PRELID2: variants seen among roughly 807,000 people sequenced by gnomAD.
PRELID2 encodes PRELI domain-containing protein 2.
A neutral mutation model predicts 28.4 loss-of-function variants in PRELID2; 25 were observed. The ratio of observed to expected loss-of-function variants is 0.88; its 90% CI spans 0.64 to 1.23. The LOEUF is 1.23. PRELID2 is among the 50% of genes most tolerant of loss of function. The probability of loss-of-function intolerance (pLI) is 0.00; values close to 1 mark genes in which losing one functional copy is unlikely to be tolerated. For missense variants in PRELID2, 201 were observed against 214.4 expected, an observed-to-expected ratio of 0.94 and a Z score of 0.39; for synonymous variants, 76 against 71.6, an observed-to-expected ratio of 1.06 and a Z score of -0.31.
chr5:145,272,374 A>G, the PRELID2 span, among the ~76,000 whole-genome samples: 1 of 152,194 alleles, frequency 6.6e-6, no homozygotes, highest in South Asian at 2.1e-4. Context: ...GTAATGCATC[A>G]GGCTACAAAA....
At chr5:145,583,855 C>T (rs967750604) in intron 1 of PRELID2, among the ~76,000 whole-genome samples, 1 of 152,068 alleles carries the variant, frequency 6.6e-6, no homozygotes, top group Non-Finnish European at 1.5e-5. Context: ...GTGAAAATGG[C>T]CATACTGCTC....
chr5:145,351,366 A>C, the PRELID2 span, among the ~76,000 whole-genome samples: 3 of 152,180 alleles, frequency 2.0e-5, no homozygotes, highest in Non-Finnish European at 4.4e-5. Flanking sequence ...ATCCTTCTTC[A>C]CATGGTGGCA....
At chr5:145,305,283 C>A in the PRELID2 span, among the ~76,000 whole-genome samples, 1 of 152,064 alleles carries the variant, frequency 6.6e-6, no homozygotes, top group Non-Finnish European at 1.5e-5. Context: ...AAAATCAAAC[C>A]AGTTTTCAAT....
chr5:145,231,322 T>A, the PRELID2 span, among the ~76,000 whole-genome samples: 1 of 152,122 alleles, frequency 6.6e-6, no homozygotes, highest in Admixed American at 6.6e-5. Flanking sequence ...TCTTTAGTGG[T>A]GGTTTGTGAG....
At chr5:145,829,309 A>G (rs1755429665) in intron 1 of PRELID2, among the ~76,000 whole-genome samples, 1 of 152,120 alleles carries the variant, frequency 6.6e-6, no homozygotes, top group Non-Finnish European at 1.5e-5. Flanking sequence ...TCCTAATTCA[A>G]ATGTGTACCT....
the PRELID2 span, among the ~76,000 whole-genome samples, chr5:145,391,923 G>A: frequency 2.6e-5 from 4 of 152,072 alleles, no homozygotes; most frequent in Non-Finnish European, 5.9e-5. Flanking sequence ...ATCTCCATCT[G>A]AGCCCACCTC....
intron 1 of PRELID2, among the ~76,000 whole-genome samples, chr5:145,510,433 C>T (rs140002912): frequency 1.2e-3 from 181 of 152,294 alleles, no homozygotes; most frequent in African/African-American, 4.0e-3. Context: ...AGGGCTCTTC[C>T]TAGCGGCCTG....
intron 1 of PRELID2, among the ~76,000 whole-genome samples, chr5:145,527,080 T>G (rs1410138961): frequency 6.6e-6 from 1 of 152,172 alleles, no homozygotes; most frequent in Non-Finnish European, 1.5e-5. Context: ...GAATAACATA[T>G]AAGTTGTTTG....
At chr5:145,557,785 T>C (rs1042304106) in intron 1 of PRELID2, among the ~76,000 whole-genome samples, 4 of 152,162 alleles carry the variant, frequency 2.6e-5, no homozygotes, top group African/African-American at 9.7e-5. Context: ...CTGCCCAAGG[T>C]CAACACTTAG....
At chr5:145,657,317 AAAAT>A (rs1425671741) in intron 1 of PRELID2, among the ~76,000 whole-genome samples, 2 of 152,202 alleles carry the variant, frequency 1.3e-5, no homozygotes, top group African/African-American at 4.8e-5. Context: ...AGTTTTCAAA[AAAAT>A]AAATAAATAG....
intron 1 of PRELID2, among the ~76,000 whole-genome samples, chr5:145,513,133 C>T (rs149427042): frequency 0.011 from 1,641 of 151,738 alleles, 33 homozygotes; most frequent in African/African-American, 0.038. Context: ...GGACGGAGAA[C>T]GAATTTGACG....
At chr5:145,521,319 C>T (rs1272376455) in intron 1 of PRELID2, among the ~76,000 whole-genome samples, 1 of 152,146 alleles carries the variant, frequency 6.6e-6, no homozygotes, top group African/African-American at 2.4e-5. Context: ...AGAGTCTTAG[C>T]TATTGCCTGT....
chr5:145,825,355 A>G (rs985320624), intron 1 of PRELID2, among the ~76,000 whole-genome samples: 9 of 151,946 alleles, frequency 5.9e-5, no homozygotes, highest in African/African-American at 2.2e-4. Flanking sequence ...CTCCTCAGGA[A>G]AGGAGACTTT....
intron 1 of PRELID2, among the ~76,000 whole-genome samples, chr5:145,643,197 AGT>A (rs1442385585): frequency 6.6e-6 from 1 of 152,152 alleles, no homozygotes; most frequent in Non-Finnish European, 1.5e-5. Context: ...TTCCTTGAGC[AGT>A]AGTTTGTAGT....
the PRELID2 span, among the ~76,000 whole-genome samples, chr5:145,238,799 C>T: frequency 6.6e-6 from 1 of 152,048 alleles, no homozygotes; most frequent in Non-Finnish European, 1.5e-5. Context: ...ACTTAGGACA[C>T]TTCATATGCA....
the PRELID2 span, among the ~76,000 whole-genome samples, chr5:145,301,949 T>TTTTTTG: frequency 3.7e-5 from 5 of 136,856 alleles, no homozygotes; most frequent in African/African-American, 5.5e-5. Context: ...TTTTTTTTTT[T>TTTTTTG]GCTAACTCTG....
At chr5:145,532,668 C>T (rs2126663021) in intron 1 of PRELID2, among the ~76,000 whole-genome samples, 1 of 152,140 alleles carries the variant, frequency 6.6e-6, no homozygotes, top group Admixed American at 6.6e-5. Context: ...TCTGCTTCTA[C>T]AAGTTTGAAT....
chr5:145,413,790 T>C, the PRELID2 span, among the ~76,000 whole-genome samples: 23 of 152,296 alleles, frequency 1.5e-4, no homozygotes, highest in East Asian at 3.5e-3. Flanking sequence ...AATGAGATCA[T>C]GCAGTGTTTG....
At chr5:145,634,545 C>T (rs559379370) in intron 1 of PRELID2, among the ~76,000 whole-genome samples, 1 of 152,264 alleles carries the variant, frequency 6.6e-6, no homozygotes, top group South Asian at 2.1e-4. Flanking sequence ...TGATTAACTC[C>T]AAGTCAGTTC....
Sources: allele counts gnomAD v4.1 joint callset (sites outside exome capture counted in the v4.1 genomes callset), GRCh38; gene constraint gnomAD v4.1.1; transcripts MANE v1.5; gene names NCBI Gene and HGNC (gene_info 2026-07-23, HGNC 2026-07-21).